Variants in TICRR observed in about 807,000 individuals in gnomAD.
TICRR encodes TOPBP1 interacting checkpoint and replication regulator.
In TICRR, 132 loss-of-function variants were observed where a neutral mutation model predicts 178.1. That is an observed-to-expected ratio of 0.74 (90% CI 0.64 to 0.86). The LOEUF is 0.86. TICRR is among the 40% of genes least tolerant of loss of function. The pLI, the probability that TICRR is intolerant of heterozygous loss-of-function variation, is 0.00. For missense variants in TICRR, 2,587 were observed against 2,334.3 expected, an observed-to-expected ratio of 1.11 and a Z score of -2.23; for synonymous variants, 991 against 900.7, an observed-to-expected ratio of 1.10 and a Z score of -1.79.
At chr15:89,622,685 C>T (rs909932593) in intron 19 of TICRR, among the ~76,000 whole-genome samples, 2 of 152,218 alleles carry the variant, frequency 1.3e-5, no homozygotes, top group Non-Finnish European at 2.9e-5. Flanking sequence ...TCTGTTCCCT[C>T]TGGCCTCACC....
intron 14 of TICRR, among the ~76,000 whole-genome samples, chr15:89,607,189 A>G (rs532148499): frequency 6.6e-6 from 1 of 152,274 alleles, no homozygotes; most frequent in East Asian, 1.9e-4. Flanking sequence ...AAAAAATACT[A>G]GAAAGGATAT....
At chr15:89,592,970 A>ATTAT (rs1962937860) in intron 5 of TICRR, among the ~76,000 whole-genome samples, 1 of 152,254 alleles carries the variant, frequency 6.6e-6, no homozygotes, top group Non-Finnish European at 1.5e-5. Context: ...CTATGTTAAT[A>ATTAT]CCACATTATC....
chr15:89,596,492 G>A (rs988786793), intron 7 of TICRR, among the ~76,000 whole-genome samples: 5 of 151,980 alleles, frequency 3.3e-5, no homozygotes, highest in East Asian at 1.9e-4. Flanking sequence ...GATTACAGGC[G>A]CATGCCACCA....
intron 19 of TICRR, among the ~76,000 whole-genome samples, chr15:89,622,960 G>A (rs772547720): frequency 1.7e-4 from 26 of 152,166 alleles, no homozygotes; most frequent in Admixed American, 3.9e-4. Flanking sequence ...TTTCACCTGC[G>A]TATGCCCCAC....
chr15:89,623,535 C>G (rs567329398), intron 19 of TICRR, 88 bp from the exon 20 acceptor site: 1 of 1,302,444 alleles, frequency 7.7e-7, no homozygotes, highest in South Asian at 1.5e-5. Flanking sequence ...GACTATAAAT[C>G]TCCCATTTGG....
rs756541657 is a variant in TICRR at position 89,595,497 on chromosome 15, C to G, written c.1786C>G (p.Pro596Ala). Residue 596 changes from proline (P) to alanine (A), a missense_variant, in exon 7 of 22, where the codon CCA becomes GCA. Physicochemically the swap from Pro to Ala is conservative, Grantham distance 27 (BLOSUM62 -1). Transcript: ENST00000268138. ...GAATGTGAAGGCCCAGAAGTTACATCCAGATGGCAGTCCGGATGTGGCTGG... is the reference window on the plus strand; with the variant it reads ...GAATGTGAAGGCCCAGAAGTTACATGCAGATGGCAGTCCGGATGTGGCTGG... Reference protein sequence around the residue: ...RLNVKAQKLHPDGSPDVAGEK... With the variant: ...RLNVKAQKLHADGSPDVAGEK... The G allele has an allele frequency of 1.2e-6, 2 of 1,614,078 alleles. No homozygotes were observed. Among genetic ancestry groups the G allele is most frequent in the South Asian group, 1.1e-5 (1 of 91,082 alleles).
chr15:89,591,952 A>G (rs1962919827), intron 4 of TICRR, 95 bp from the exon 5 acceptor site: 2 of 1,101,364 alleles, frequency 1.8e-6, no homozygotes, highest in Admixed American at 2.5e-5. Context: ...CTTTGGAGGG[A>G]TGCAGTCAGT....
In TICRR at chr15:89,625,938, T is replaced by TC. The variant is rs772209267; in HGVS notation, c.5481dup (p.Thr1828HisfsTer42). ...CTTACTATGTGGGATCTCTTTAGGC[T>TC]CCACCCCACCTCCCAGCTGTGCCGT... On this transcript the variant is annotated frameshift_variant, in exon 21 of 22. Transcript: ENST00000268138. LOFTEE classifies it high-confidence loss of function. 1.9e-6 allele frequency: 3 copies of TC among 1,571,828 alleles called. No individual in the cohort carries two copies. The Admixed American group carries it at 5.7e-5, about 30-fold the overall frequency.
intron 21 of TICRR, among the ~76,000 whole-genome samples, 190 bp downstream of exon 21, chr15:89,626,251 G>C (rs1963524057): frequency 6.6e-6 from 1 of 152,182 alleles, no homozygotes; most frequent in Non-Finnish European, 1.5e-5. Flanking sequence ...CATGTGAACA[G>C]AAGCCCCTCA....
At position 89,625,400 on chromosome 15, in the gene TICRR, G is replaced by C; in HGVS notation, c.5090G>C (p.Gly1697Ala). ...RRKRAVGCGA[G>A]SSSGRGEVGA... ...AAGAGGGCGGTGGGCTGTGGCGCCG[G>C]CTCCTCTTCCGGGAGGGGCGAGGTC... Residue 1697 changes from glycine (G) to alanine (A), a missense_variant, in exon 20 of 22, where the codon GGC becomes GCC. Physicochemically the swap from Gly to Ala is moderately conservative, Grantham distance 60. Coordinates refer to ENST00000268138, the MANE Select transcript of TICRR (RefSeq NM_152259.4). The C allele has an allele frequency of 6.2e-7, 1 of 1,613,918 alleles. No homozygotes were observed. The highest frequency in any genetic ancestry group is 8.5e-7 in the Non-Finnish European group (1 of 1,179,992).
intron 12 of TICRR, among the ~76,000 whole-genome samples, chr15:89,602,517 C>G (rs1456821492): frequency 1.3e-5 from 2 of 152,118 alleles, no homozygotes; most frequent in Non-Finnish European, 2.9e-5. Flanking sequence ...GTCTTCTTTA[C>G]TGTCCACATG....
chr15:89,614,022 C>T (rs992772000), intron 15 of TICRR, among the ~76,000 whole-genome samples: 4 of 151,900 alleles, frequency 2.6e-5, no homozygotes, highest in Admixed American at 6.6e-5. Context: ...GGCGTGGTGG[C>T]GGGCGCCTGT....
chr15:89,589,834 T>C (rs1445915048), intron 4 of TICRR, among the ~76,000 whole-genome samples: 2 of 151,922 alleles, frequency 1.3e-5, no homozygotes, highest in African/African-American at 2.4e-5. Context: ...ACTAAGACAA[T>C]CCTGGGTGTG....
chr15:89,585,660 A>G, intron 3 of TICRR, 48 bp from the exon 4 acceptor site: 1 of 1,266,072 alleles, frequency 7.9e-7, no homozygotes, highest in Non-Finnish European at 1.2e-6. Flanking sequence ...ATTCTTCTTT[A>G]GGCATATTGA....
At chr15:89,599,606 G>A (rs1963059800) in intron 8 of TICRR, 131 bp downstream of exon 8, 1 of 879,608 alleles carries the variant, frequency 1.1e-6, no homozygotes, top group Non-Finnish European at 1.7e-6. Context: ...AGATAAGTAA[G>A]GGAGTAAGTA....
At chr15:89,606,662 C>A in intron 13 of TICRR, 106 bp from the exon 14 acceptor site, 1 of 839,412 alleles carries the variant, frequency 1.2e-6, no homozygotes, top group South Asian at 1.5e-5. Context: ...TATTATGGAT[C>A]CCTATAAATG....
At chr15:89,590,070 A>G (rs576904956) in intron 4 of TICRR, among the ~76,000 whole-genome samples, 4 of 152,324 alleles carry the variant, frequency 2.6e-5, no homozygotes, top group East Asian at 1.9e-4. Flanking sequence ...TGAAGATGGC[A>G]TGATGGAAGG....
At chr15:89,620,394 G>C (rs1189665043) in intron 18 of TICRR, among the ~76,000 whole-genome samples, 1 of 151,822 alleles carries the variant, frequency 6.6e-6, no homozygotes, top group Non-Finnish European at 1.5e-5. Flanking sequence ...TTTTAGTAAA[G>C]ACTGGGTTTC....
In TICRR at chr15:89,604,215, G is replaced by C. The variant is rs1250183051; in HGVS notation, c.2664+1323G>C. Among the ~76,000 whole-genome samples, 8 of 152,272 alleles carry C rather than the reference G, an allele frequency of 5.3e-5. No homozygotes were observed. The East Asian group carries it at 1.5e-3, about 29-fold the overall frequency. ...AATTATTATAATAGTGGTTTGTTCT[G>C]TTTCTAGATATTTGTAGCAGTCCTT... On this transcript the variant is annotated intron_variant, in intron 13 of 21. Transcript: ENST00000268138.
Sources: gnomAD v4.1 joint callset for allele counts (sites outside exome capture counted in the v4.1 genomes callset) on GRCh38, gnomAD v4.1.1 for gene constraint, MANE v1.5 for transcripts, NCBI Gene and HGNC (gene_info 2026-07-23, HGNC 2026-07-21) for gene names.